ZNF717: variants seen among roughly 807,000 people sequenced by gnomAD.
ZNF717 encodes the protein krueppel-like factor X17.
Under a neutral mutation model 13.8 loss-of-function variants are expected in ZNF717, and 9 were observed. The observed-to-expected ratio is 0.65, with a 90% confidence interval of 0.39 to 1.14. ZNF717 has a LOEUF of 1.14. ZNF717 is among the 50% of genes most tolerant of loss of function. ZNF717 has a pLI of 0.01. For missense variants in ZNF717, 1,040 were observed against 1,080.7 expected, an observed-to-expected ratio of 0.96 and a Z score of 0.53; for synonymous variants, 327 against 364.1, an observed-to-expected ratio of 0.90 and a Z score of 1.16.
chr3:75,772,405 A>G (rs6784600), intron 2 of ZNF717, among the ~76,000 whole-genome samples: 25,701 of 152,192 alleles, frequency 0.17, 2,157 homozygotes, highest in African/African-American at 0.18. Flanking sequence ...CAAGAAGGAG[A>G]GAAGAGCTGT....
At position 75,737,449 on chromosome 3, in the gene ZNF717, G is replaced by C. The variant is rs1939477084; in HGVS notation, c.2174C>G (p.Thr725Arg). Residue 725 changes from threonine to arginine, a missense_variant, in exon 5 of 5, where the codon ACA becomes AGA. Thr to Arg is a moderately conservative substitution (Grantham distance 71). Transcript: ENST00000652011. ...TACATTCATAGGGTTTCTCCCCCGT[G>C]TGAATACCTTGATGCTTCTGAAGAT... The part of the protein sequence containing the change: ...RQIFRSIKVF[T>R]RGRNPMNVAN... 3 of 1,555,368 alleles carry C rather than the reference G, an allele frequency of 1.9e-6. No individual in the cohort carries two copies. The highest frequency in any genetic ancestry group is 1.7e-4 in the Middle Eastern group (1 of 5,992).
In ZNF717 at chr3:75,737,159, T is replaced by G; in HGVS notation, c.2464A>C (p.Thr822Pro). Residue 822 changes from threonine to proline, a missense_variant, in exon 5 of 5, where the codon ACC becomes CCC. This residue lies in a region of ZNF717 where 873 missense variants were observed against 832.8 expected (regional missense o/e 1.05). Coordinates refer to ENST00000652011, the MANE Select transcript of ZNF717 (RefSeq NM_001290208.3). ...KPFECKECRK[T>P]FSQKSKLFVH... is the part of the protein sequence containing the mutation. ...AAGAGTTTTGACTTCTGGGAGAAGG[T>G]TTTCCTACATTCTTTACATTCAAAT... 6.4e-7 allele frequency: 1 copy of G among 1,559,480 alleles called. No homozygotes were observed. The highest frequency in any genetic ancestry group is 8.7e-7 in the Non-Finnish European group (1 of 1,151,924).
chr3:75,768,369 G>C lies in ZNF717; in HGVS notation c.57+14937C>G, dbSNP rs960892838. ...TCACTGTGGCTGAGTGTGGGGGGGGGGGGTAGATGACAGCCCACCACAACC... is the reference window on the plus strand; with the variant it reads ...TCACTGTGGCTGAGTGTGGGGGGGGCGGGTAGATGACAGCCCACCACAACC... On this transcript the variant is annotated intron_variant, in intron 2 of 4. Coordinates refer to ENST00000652011, the MANE Select transcript of ZNF717 (RefSeq NM_001290208.3). Among the ~76,000 whole-genome samples the C allele has an allele frequency of 3.4e-5, 4 of 119,186 alleles. 1 individual carries two copies. The highest frequency in any genetic ancestry group is 2.5e-4 in the Admixed American group (3 of 12,234). 78.2% of individuals were successfully genotyped at this position (119,186 alleles called of 152,430 possible).
chr3:75,708,692 C>T (rs1404932817), downstream of ZNF717, among the ~76,000 whole-genome samples: 1 of 151,986 alleles, frequency 6.6e-6, no homozygotes, highest in Non-Finnish European at 1.5e-5. Flanking sequence ...AAATTCAAAC[C>T]AATGGCAAAG....
intron 4 of ZNF717, among the ~76,000 whole-genome samples, chr3:75,719,979 T>TAATAATAAG (rs1938136965): frequency 2.0e-5 from 1 of 50,624 alleles, no homozygotes; most frequent in Admixed American, 1.9e-4. Context: ...TAAATAATAA[T>TAATAATAAG]AATAATAATA....
downstream of ZNF717, chr3:75,732,051 A>G (rs1352429466): frequency 1.4e-6 from 1 of 702,814 alleles, no homozygotes; most frequent in Non-Finnish European, 2.6e-6. Flanking sequence ...ATAATATTGT[A>G]AAATTTACCT....
rs1165861029 is a variant in ZNF717 at position 75,699,179 on chromosome 3, C to T, written n.1085+12008G>A. Among the ~76,000 whole-genome samples, 4 of 152,272 alleles carry T rather than the reference C, an allele frequency of 2.6e-5. No individual in the cohort carries two copies. In the East Asian group the frequency reaches 7.7e-4, roughly 29 times the overall value. ...CCATTTGTATCTTGGAAGTGCCTAA[C>T]TTGTTTTCTATTTTACAGGCTTATA... On this transcript the variant is annotated intron_variant and non_coding_transcript_variant, in intron 6 of 6. Transcript: ENST00000648506.
At chr3:75,702,422 C>G (rs1418750665) in intron 6 of ZNF717, among the ~76,000 whole-genome samples, 3 of 152,264 alleles carry the variant, frequency 2.0e-5, no homozygotes, top group African/African-American at 7.2e-5. Context: ...ACATTCAAAA[C>G]AATAGGTGTC....
At chr3:75,701,231 G>T (rs1575710918) in intron 6 of ZNF717, among the ~76,000 whole-genome samples, 2 of 152,406 alleles carry the variant, frequency 1.3e-5, no homozygotes, top group East Asian at 3.9e-4. Context: ...TTTTATAAGG[G>T]ACTCTTCCCC....
chr3:75,742,339 A>AAAAAG (rs751643617), intron 2 of ZNF717, among the ~76,000 whole-genome samples: 30,421 of 135,182 alleles, frequency 0.23, 1,820 homozygotes, highest in Non-Finnish European at 0.29. Flanking sequence ...AAAAAAAAAA[A>AAAAAG]GAATAAAATT....
intron 4 of ZNF717, among the ~76,000 whole-genome samples, chr3:75,740,889 A>C (rs1437268134): frequency 6.6e-6 from 1 of 152,184 alleles, no homozygotes; most frequent in African/African-American, 2.4e-5. Context: ...CATTTTCATC[A>C]TCGTTATAAT....
chr3:75,744,492 G>C (rs1940908771), intron 2 of ZNF717, among the ~76,000 whole-genome samples: 1 of 152,370 alleles, frequency 6.6e-6, no homozygotes, highest in East Asian at 1.9e-4. Context: ...ACAGAGAAGT[G>C]AATATAGGAC....
At chr3:75,775,612 T>C (rs954207994) in intron 2 of ZNF717, among the ~76,000 whole-genome samples, 3 of 152,166 alleles carry the variant, frequency 2.0e-5, no homozygotes, top group Non-Finnish European at 4.4e-5. Flanking sequence ...CCCAGCACTT[T>C]GGGAGGCTGA....
At chr3:75,734,404 A>G (rs1938891989), downstream of ZNF717, among the ~76,000 whole-genome samples, 2 of 145,964 alleles carry the variant, frequency 1.4e-5, 1 homozygote, top group Admixed American at 1.4e-4. Flanking sequence ...TAGAGAAGGA[A>G]TAAGTGGTGG....
At chr3:75,726,646 G>T (rs1222972414), downstream of ZNF717, among the ~76,000 whole-genome samples, 1 of 152,282 alleles carries the variant, frequency 6.6e-6, no homozygotes, top group Non-Finnish European at 1.5e-5. Flanking sequence ...ATACTGCAGT[G>T]TATCTAGATA....
exon 6 of ZNF717, chr3:75,709,953 A>T (rs1238683529): frequency 6.6e-6 from 1 of 152,174 alleles, no homozygotes; most frequent in African/African-American, 2.4e-5. Flanking sequence ...ATTGGCACCT[A>T]AGAGTCAGTG....
chr3:75,776,472 A>G (rs986495563), intron 2 of ZNF717, among the ~76,000 whole-genome samples: 2 of 152,252 alleles, frequency 1.3e-5, no homozygotes, highest in Non-Finnish European at 2.9e-5. Context: ...AAAACAGTAG[A>G]TTATTATGCT....
intron 2 of ZNF717, among the ~76,000 whole-genome samples, chr3:75,756,365 T>C (rs573355882): frequency 4.6e-5 from 7 of 152,364 alleles, no homozygotes; most frequent in African/African-American, 7.2e-5. Flanking sequence ...ATAGCCTCTA[T>C]GTGTTCAAGT....
At position 75,751,125 on chromosome 3, in the gene ZNF717, C is replaced by T. The variant is rs1391953831; in HGVS notation, c.58-9389G>A. Among the ~76,000 whole-genome samples, 419 of 150,692 alleles carry T rather than the reference C, an allele frequency of 2.8e-3. 9 individuals are homozygous for T. The highest frequency in any genetic ancestry group is 9.9e-3 in the African/African-American group (405 of 40,872). On this transcript the variant is annotated intron_variant, in intron 2 of 4. Coordinates refer to ENST00000652011, the MANE Select transcript of ZNF717 (RefSeq NM_001290208.3). ...ACTGCTATGAGGGTCCGAATGTTTG[C>T]CCTTCAAATAGTATTCCAGAACACT...
Sources: gnomAD v4.1 joint callset for allele counts (sites outside exome capture counted in the v4.1 genomes callset) on GRCh38, gnomAD v4.1.1 for gene constraint, gnomAD v4.1.1 regional missense constraint, MANE v1.5 for transcripts, NCBI Gene and HGNC (gene_info 2026-07-23, HGNC 2026-07-21) for gene names.